ANKRD13A: variants seen among roughly 807,000 people sequenced by gnomAD.
ANKRD13A encodes ankyrin repeat domain-containing protein 13A.
ANKRD13A carries 48 observed loss-of-function variants against 81.3 expected under a neutral mutation model. The observed-to-expected ratio is 0.59, with a 90% confidence interval of 0.47 to 0.75. ANKRD13A has a LOEUF of 0.75. Ranked by LOEUF, ANKRD13A falls within the 30% of genes least tolerant of loss-of-function variation. The pLI, the probability that ANKRD13A is intolerant of heterozygous loss-of-function variation, is 0.00. For synonymous variants in ANKRD13A, 230 were observed against 270.1 expected (o/e 0.85, Z 1.45); for missense variants, 612 against 734.0 (o/e 0.83, Z 1.92).
chr12:110,003,684 T>G (rs1195368459), intron 1 of ANKRD13A, among the ~76,000 whole-genome samples: 1 of 152,150 alleles, frequency 6.6e-6, no homozygotes, highest in African/African-American at 2.4e-5. Flanking sequence ...CTGAGGCTAG[T>G]GGGCAAGCTG....
upstream of ANKRD13A, chr12:109,999,366 A>C (rs1482066940): frequency 6.3e-6 from 1 of 159,254 alleles, no homozygotes. The surrounding 1 kb of genome is among the most constrained non-coding windows in gnomAD (Gnocchi z 4.3). Context: ...AAGGTCGCCT[A>C]TCCCCGCCGC....
Position 110,037,796 on chromosome 12 carries a change from A to G in ANKRD13A, c.*242A>G, listed in dbSNP as rs1892156295. ...TCCAGGCTAAGGGGAGGAGAGCATC[A>G]TCACTTTCCATTAGCTGTATTGGCT... On this transcript the variant is annotated 3_prime_UTR_variant, in exon 15 of 15. Transcript: ENST00000261739. 1 of 395,624 alleles carries G rather than the reference A, an allele frequency of 2.5e-6. No individual in the cohort carries two copies. Among genetic ancestry groups the G allele is most frequent in the Non-Finnish European group, 4.6e-6 (1 of 219,188 alleles). The allele number at this position is 395,624 out of a possible 1,614,324, so 24.5% of individuals were successfully genotyped here.
intron 1 of ANKRD13A, among the ~76,000 whole-genome samples, chr12:110,003,084 AG>A (rs1449957921): frequency 2.0e-5 from 3 of 152,246 alleles, no homozygotes; most frequent in Admixed American, 2.0e-4. Flanking sequence ...GCTTAGCTAA[AG>A]AAGTCTGTTA....
intron 13 of ANKRD13A, among the ~76,000 whole-genome samples, chr12:110,034,675 G>A (rs1891918121): frequency 6.6e-6 from 1 of 152,128 alleles, no homozygotes; most frequent in African/African-American, 2.4e-5. Context: ...CAAGGCTTGA[G>A]GTCCTCCTCC....
Position 110,039,059 on chromosome 12 carries a change from A to G in ANKRD13A, c.*1505A>G, listed in dbSNP as rs757331269. 1.3e-4 allele frequency: 19 copies of G among 148,054 alleles called. No individual in the cohort carries two copies. The highest frequency in any genetic ancestry group is 1.8e-4 in the Non-Finnish European group (12 of 67,572). The allele number at this position is 148,054 out of a possible 1,614,324, so 9.2% of individuals were successfully genotyped here. On this transcript the variant is annotated 3_prime_UTR_variant, in exon 15 of 15. Coordinates refer to ENST00000261739, the MANE Select transcript of ANKRD13A (RefSeq NM_033121.2). ...ATTGTGCTTTTAATTCCATTTCACA[A>G]TCTGTTTTGTTTTTTTTTTTTGTCA...
chr12:110,026,409 G>A (rs1178499438), intron 8 of ANKRD13A, among the ~76,000 whole-genome samples: 1 of 150,004 alleles, frequency 6.7e-6, no homozygotes. Flanking sequence ...CCCCATCTGT[G>A]CTAAAAAAAA....
intron 13 of ANKRD13A, 39 bp downstream of exon 13, chr12:110,033,996 G>C (rs746097284): frequency 1.5e-5 from 23 of 1,551,840 alleles, no homozygotes; most frequent in Non-Finnish European, 1.9e-5. Context: ...GGGCGTGGGA[G>C]GTCTTACCCT....
intron 1 of ANKRD13A, 38 bp from the exon 2 acceptor site, chr12:110,011,967 T>TA (rs1331335900): frequency 1.3e-6 from 2 of 1,563,214 alleles, no homozygotes; most frequent in Non-Finnish European, 1.7e-6. Flanking sequence ...TTTAATGTAA[T>TA]ACATCCAATT....
chr12:110,013,643 T>C (rs1169034078), intron 3 of ANKRD13A, among the ~76,000 whole-genome samples: 1 of 152,010 alleles, frequency 6.6e-6, no homozygotes, highest in African/African-American at 2.4e-5. Flanking sequence ...TGGTAGTGCA[T>C]ACCTGTAGTC....
chr12:110,009,155 C>T (rs1214229988), intron 1 of ANKRD13A, among the ~76,000 whole-genome samples: 2 of 152,154 alleles, frequency 1.3e-5, no homozygotes, highest in African/African-American at 2.4e-5. Flanking sequence ...AATCTCGGCT[C>T]ACCACAACCT....
chr12:110,029,298 T>G, intron 10 of ANKRD13A, 180 bp from the exon 11 acceptor site: 1 of 586,112 alleles, frequency 1.7e-6, no homozygotes. Context: ...TATTGCCAGA[T>G]TTTAGGGTGA....
At position 110,019,241 on chromosome 12, in the gene ANKRD13A, T is replaced by G; in HGVS notation, c.647T>G (p.Met216Arg). 6.2e-7 allele frequency: 1 copy of G among 1,614,144 alleles called. No homozygotes were observed. Residue 216 changes from methionine (M) to arginine (R), a missense_variant, in exon 6 of 15, where the codon ATG becomes AGG. By Grantham distance (91) the Met-to-Arg change is moderately conservative (BLOSUM62 -1). Coordinates refer to ENST00000261739, the MANE Select transcript of ANKRD13A (RefSeq NM_033121.2). ...ATGGAGCGCCTCACTCTGGACTTGA[T>G]GAAGCCAAAAAGCAGGGAAGTTGAG... Reference protein sequence around the residue: ...QEMERLTLDLMKPKSREVERR... With the variant: ...QEMERLTLDLRKPKSREVERR...
chr12:110,014,187 T>G (rs1246911525), intron 3 of ANKRD13A, among the ~76,000 whole-genome samples: 2 of 151,962 alleles, frequency 1.3e-5, no homozygotes, highest in African/African-American at 4.8e-5. Context: ...CTGAGGTGGG[T>G]GGATCACGAG....
At chr12:110,016,772 T>C (rs1157430028) in intron 4 of ANKRD13A, among the ~76,000 whole-genome samples, 5 of 152,018 alleles carry the variant, frequency 3.3e-5, no homozygotes, top group Admixed American at 3.3e-4. Context: ...TTTTATTTTA[T>C]TTTTATTTTT....
chr12:110,023,972 C>T (rs779622295), intron 6 of ANKRD13A, 74 bp from the exon 7 acceptor site: 3 of 1,454,946 alleles, frequency 2.1e-6, no homozygotes, highest in East Asian at 4.6e-5. Context: ...GGGAAAAAAA[C>T]TATAAAGGCT....
At chr12:110,010,643 G>T (rs1418341526) in intron 1 of ANKRD13A, among the ~76,000 whole-genome samples, 3 of 152,196 alleles carry the variant, frequency 2.0e-5, no homozygotes, top group South Asian at 2.1e-4. Context: ...AGCACCGGGG[G>T]AACACTGAGG....
At chr12:110,008,965 T>C (rs1404199659) in intron 1 of ANKRD13A, among the ~76,000 whole-genome samples, 1 of 152,056 alleles carries the variant, frequency 6.6e-6, no homozygotes, top group Non-Finnish European at 1.5e-5. Context: ...TATAAACTTA[T>C]TCAGATTTTT....
intron 10 of ANKRD13A, 135 bp downstream of exon 10, chr12:110,028,777 G>A (rs563789146): frequency 2.2e-4 from 274 of 1,263,556 alleles, no homozygotes; most frequent in Non-Finnish European, 2.8e-4. Flanking sequence ...TCGCTCTGTC[G>A]CCTAGGCTGG....
intron 13 of ANKRD13A, among the ~76,000 whole-genome samples, chr12:110,035,998 C>A (rs1208758535): frequency 6.6e-6 from 1 of 152,082 alleles, no homozygotes; most frequent in Non-Finnish European, 1.5e-5. Flanking sequence ...ATATCTTCCA[C>A]GTGGGTTAGC....
Sources: gnomAD v4.1 joint callset for allele counts (sites outside exome capture counted in the v4.1 genomes callset) on GRCh38, gnomAD v4.1.1 for gene constraint, Gnocchi (gnomAD v3.1) non-coding constraint, MANE v1.5 for transcripts, NCBI Gene and HGNC (gene_info 2026-07-23, HGNC 2026-07-21) for gene names.